The following RNLS variants were observed in gnomAD, a reference collection of about 807,000 sequenced individuals.
RNLS encodes renalase.
Under a neutral mutation model 39.8 loss-of-function variants are expected in RNLS, and 39 were observed. That is an observed-to-expected ratio of 0.98 (90% CI 0.76 to 1.28). RNLS has a LOEUF of 1.28. Ranked by LOEUF, RNLS falls within the 50% of genes most tolerant of loss-of-function variation. The pLI is 0.00. For missense variants in RNLS, 410 were observed against 413.3 expected (o/e 0.99, Z 0.07); for synonymous variants, 147 against 150.7 (o/e 0.98, Z 0.18).
chr10:88,560,767 A>G (rs1310270254), intron 4 of RNLS, among the ~76,000 whole-genome samples: 1 of 152,036 alleles, frequency 6.6e-6, no homozygotes, highest in Non-Finnish European at 1.5e-5. Flanking sequence ...AAAGGTTCAT[A>G]GGAGGCTAAA....
the RNLS span, among the ~76,000 whole-genome samples, chr10:88,198,608 G>T: frequency 6.6e-6 from 1 of 152,064 alleles, no homozygotes; most frequent in Non-Finnish European, 1.5e-5. Flanking sequence ...ATTGGATCAT[G>T]GGTCACTCTT....
At chr10:88,503,869 A>C (rs1845637659) in intron 4 of RNLS, among the ~76,000 whole-genome samples, 1 of 152,196 alleles carries the variant, frequency 6.6e-6, no homozygotes, top group African/African-American at 2.4e-5. Context: ...TTAGGTTATA[A>C]AATGACTATG....
In RNLS at chr10:88,325,050, A is replaced by G. The variant is rs188398914; in HGVS notation, c.701-10409T>C. 5.9e-5 allele frequency among the ~76,000 whole-genome samples: 9 copies of G among 152,270 alleles called. No individual in the cohort carries two copies. The East Asian group carries it at 1.5e-3, about 26-fold the overall frequency. On this transcript the variant is annotated intron_variant, in intron 5 of 6. Coordinates refer to ENST00000331772, the MANE Select transcript of RNLS (RefSeq NM_001031709.3). ...AATTTGCTTATCCATTCACCCTTCAATGGACGCTTGAGTTGCTTCTACCTT... is the reference window on the plus strand; with the variant it reads ...AATTTGCTTATCCATTCACCCTTCAGTGGACGCTTGAGTTGCTTCTACCTT...
At chr10:88,419,600 C>G (rs1854257488) in intron 4 of RNLS, among the ~76,000 whole-genome samples, 1 of 152,110 alleles carries the variant, frequency 6.6e-6, no homozygotes, top group South Asian at 2.1e-4. Flanking sequence ...AAGGAAAAAA[C>G]TATTAAACTA....
At chr10:88,219,147 T>C in the RNLS span, among the ~76,000 whole-genome samples, 1 of 152,212 alleles carries the variant, frequency 6.6e-6, no homozygotes, top group South Asian at 2.1e-4. Context: ...GATGACCACA[T>C]AGTAAGTATT....
intron 4 of RNLS, among the ~76,000 whole-genome samples, chr10:88,434,821 T>A (rs1855366819): frequency 6.6e-6 from 1 of 152,092 alleles, no homozygotes; most frequent in African/African-American, 2.4e-5. Flanking sequence ...AAGATTGCAT[T>A]AAAATAGTTG....
chr10:88,578,615 T>TTTATA (rs1439631987), intron 3 of RNLS, among the ~76,000 whole-genome samples: 2 of 152,024 alleles, frequency 1.3e-5, no homozygotes, highest in Admixed American at 6.6e-5. Context: ...TAAACTCAAG[T>TTTATA]TAAATAGACC....
At chr10:88,442,467 C>A (rs532760160) in intron 4 of RNLS, among the ~76,000 whole-genome samples, 1 of 152,266 alleles carries the variant, frequency 6.6e-6, no homozygotes, top group African/African-American at 2.4e-5. Context: ...ACTTTTGTTT[C>A]TTGTTAATCG....
At chr10:88,274,641 C>G (rs948751564) in exon 7 of RNLS, 1 of 250,962 alleles carries the variant, frequency 4.0e-6, no homozygotes, top group Admixed American at 4.7e-5. Context: ...TGAATAAAGC[C>G]GCTGTGAACA....
the RNLS span, among the ~76,000 whole-genome samples, chr10:88,210,457 C>T: frequency 6.6e-6 from 1 of 152,262 alleles, no homozygotes; most frequent in Non-Finnish European, 1.5e-5. Flanking sequence ...CAGAGCGAGG[C>T]TTGGGAATCA....
At chr10:88,189,047 C>T in the RNLS span, among the ~76,000 whole-genome samples, 10 of 152,226 alleles carry the variant, frequency 6.6e-5, no homozygotes, top group Non-Finnish European at 1.0e-4. Context: ...TCAGTTTTCT[C>T]GTTTCAAAAA....
chr10:88,271,293 C>T (rs1842644464), downstream of RNLS, among the ~76,000 whole-genome samples: 1 of 152,160 alleles, frequency 6.6e-6, no homozygotes, highest in Admixed American at 6.5e-5. Context: ...GTGGCACTTC[C>T]CAGACTTGGG....
At chr10:88,298,548 T>A (rs1307994139) in intron 6 of RNLS, among the ~76,000 whole-genome samples, 3 of 152,212 alleles carry the variant, frequency 2.0e-5, no homozygotes, top group Non-Finnish European at 4.4e-5. Flanking sequence ...CTCTTTTGTA[T>A]GTGGATATCA....
At chr10:88,225,638 C>T in the RNLS span, among the ~76,000 whole-genome samples, 1 of 151,984 alleles carries the variant, frequency 6.6e-6, no homozygotes, top group South Asian at 2.1e-4. Flanking sequence ...TATTTGGACC[C>T]AGGAGTTCAA....
At chr10:88,480,817 G>GTGTGTA (rs1564834873) in intron 4 of RNLS, among the ~76,000 whole-genome samples, 1 of 151,338 alleles carries the variant, frequency 6.6e-6, no homozygotes. Flanking sequence ...GTGTGTGTGT[G>GTGTGTA]TGTATGTGTT....
chr10:88,476,003 A>G (rs1048308310), intron 4 of RNLS, among the ~76,000 whole-genome samples: 8 of 152,194 alleles, frequency 5.3e-5, no homozygotes, highest in Admixed American at 5.2e-4. Flanking sequence ...GAGATGTTCT[A>G]TAAATCCAGG....
intron 4 of RNLS, among the ~76,000 whole-genome samples, chr10:88,398,507 T>C (rs573907290): frequency 3.9e-5 from 6 of 152,058 alleles, no homozygotes; most frequent in African/African-American, 1.4e-4. Context: ...TATCTAAGAA[T>C]TGACTAACTC....
chr10:88,185,752 A>G, the RNLS span, among the ~76,000 whole-genome samples: 4 of 152,206 alleles, frequency 2.6e-5, no homozygotes, highest in Non-Finnish European at 5.9e-5. Context: ...AAAAAATGAC[A>G]GGCTTAAGCT....
intron 4 of RNLS, among the ~76,000 whole-genome samples, chr10:88,443,336 A>G (rs1450668762): frequency 6.6e-6 from 1 of 152,168 alleles, no homozygotes; most frequent in African/African-American, 2.4e-5. Context: ...TTCCATGGGC[A>G]GTTCCAAGAT....
Sources: gnomAD v4.1 joint callset for allele counts (sites outside exome capture counted in the v4.1 genomes callset) on GRCh38, gnomAD v4.1.1 for gene constraint, MANE v1.5 for transcripts, NCBI Gene and HGNC (gene_info 2026-07-23, HGNC 2026-07-21) for gene names.